ROBO2: variants seen among roughly 807,000 people sequenced by gnomAD.
The protein encoded by ROBO2 is roundabout homolog 2.
ROBO2 carries 53 observed loss-of-function variants against 160.8 expected under a neutral mutation model. The observed-to-expected ratio is 0.33, with a 90% CI of 0.26 to 0.41. ROBO2 has a LOEUF of 0.41. Among genes scored for constraint, ROBO2 ranks in the 10% least tolerant of loss-of-function variants. The pLI, the probability that ROBO2 is intolerant of heterozygous loss-of-function variation, is 1.00. For synonymous variants in ROBO2, 664 were observed against 611.7 expected, an observed-to-expected ratio of 1.09 and a Z score of -1.26; for missense variants, 1,577 against 1,722.4, an observed-to-expected ratio of 0.92 and a Z score of 1.49.
chr3:76,539,248 G>T (rs1046030964), intron 2 of ROBO2, among the ~76,000 whole-genome samples: 1 of 151,934 alleles, frequency 6.6e-6, no homozygotes, highest in Admixed American at 6.6e-5. Context: ...AATGCATGTG[G>T]CTTTTAAAAC....
In ROBO2 at chr3:76,679,281, G is replaced by A. The variant is rs1047597913; in HGVS notation, c.110-418733G>A. On this transcript the variant is annotated intron_variant, in intron 2 of 26. Transcript: ENST00000487694. ...AAATAAAGAAAAACTCAAATTACCT[G>A]TGGCAGATAAAACCTTATTAACATT... Among the ~76,000 whole-genome samples, 9 of 152,110 alleles carry A rather than the reference G, an allele frequency of 5.9e-5. 1 individual carries two copies. The highest frequency in any genetic ancestry group is 2.4e-5 in the African/African-American group (1 of 41,436).
intron 2 of ROBO2, among the ~76,000 whole-genome samples, chr3:76,794,958 C>T (rs2063592902): frequency 6.6e-6 from 1 of 151,936 alleles, no homozygotes; most frequent in African/African-American, 2.4e-5. Flanking sequence ...AGATATTGCA[C>T]ATTCAGGTCC....
At chr3:76,689,744 C>T (rs1229000341) in intron 2 of ROBO2, among the ~76,000 whole-genome samples, 3 of 152,160 alleles carry the variant, frequency 2.0e-5, no homozygotes, top group Non-Finnish European at 4.4e-5. Context: ...AGGCATTTCT[C>T]CTTTTCTCCA....
intron 2 of ROBO2, among the ~76,000 whole-genome samples, chr3:76,079,980 C>T (rs1286891061): frequency 6.6e-6 from 1 of 152,048 alleles, no homozygotes; most frequent in Admixed American, 6.6e-5. Context: ...TATTTTATAG[C>T]AGGAATACAT....
intron 2 of ROBO2, among the ~76,000 whole-genome samples, chr3:76,356,988 C>A (rs74562274): frequency 0.042 from 6,333 of 151,756 alleles, 362 homozygotes; most frequent in African/African-American, 0.13. Context: ...GTATTTACAA[C>A]CTCAAATTCC....
At chr3:77,162,920 C>T (rs1249304099) in intron 2 of ROBO2, among the ~76,000 whole-genome samples, 1 of 152,030 alleles carries the variant, frequency 6.6e-6, no homozygotes, top group African/African-American at 2.4e-5. Context: ...ACCTTGGCCT[C>T]CTGGGTTCAA....
intron 2 of ROBO2, among the ~76,000 whole-genome samples, chr3:77,351,169 G>C (rs2068285658): frequency 6.6e-6 from 1 of 152,040 alleles, no homozygotes; most frequent in South Asian, 2.1e-4. Flanking sequence ...AAATCTTAGG[G>C]AAGTTTATTG....
At chr3:77,460,303 C>T (rs2166802) in intron 2 of ROBO2, among the ~76,000 whole-genome samples, 9 of 151,900 alleles carry the variant, frequency 5.9e-5, no homozygotes, top group African/African-American at 1.7e-4. Context: ...GGGAAGATTG[C>T]GGAAATAAAG....
At chr3:77,326,835 G>A (rs1306426663) in intron 2 of ROBO2, among the ~76,000 whole-genome samples, 1 of 152,182 alleles carries the variant, frequency 6.6e-6, no homozygotes, top group East Asian at 1.9e-4. Context: ...AGTCTCCCTG[G>A]TGGAGCTGTG....
chr3:77,405,361 A>G, intron 2 of ROBO2, among the ~76,000 whole-genome samples: 1 of 152,164 alleles, frequency 6.6e-6, no homozygotes, highest in Non-Finnish European at 1.5e-5. Flanking sequence ...TTTGTAAAAT[A>G]TATGTAATTT....
chr3:77,364,829 G>A (rs2070599250), intron 2 of ROBO2, among the ~76,000 whole-genome samples: 1 of 152,170 alleles, frequency 6.6e-6, no homozygotes, highest in Admixed American at 6.6e-5. Context: ...ATTGACAACA[G>A]ATAGATTAAT....
intron 5 of ROBO2, among the ~76,000 whole-genome samples, chr3:77,510,191 G>A (rs114013642): frequency 4.6e-5 from 7 of 152,004 alleles, no homozygotes; most frequent in African/African-American, 1.7e-4. Flanking sequence ...TTAATCTACT[G>A]TATATATTTA....
chr3:76,175,211 T>G (rs2073187180), intron 2 of ROBO2, among the ~76,000 whole-genome samples: 1 of 152,114 alleles, frequency 6.6e-6, no homozygotes, highest in South Asian at 2.1e-4. Flanking sequence ...ACATTGATTT[T>G]GCATCCTGAA....
At chr3:76,433,631 G>A (rs1218384469) in intron 2 of ROBO2, among the ~76,000 whole-genome samples, 1 of 152,174 alleles carries the variant, frequency 6.6e-6, no homozygotes, top group Non-Finnish European at 1.5e-5. Context: ...GTGGATGTGT[G>A]TATTCCAAAA....
At chr3:76,171,563 G>A (rs1278416422) in intron 2 of ROBO2, among the ~76,000 whole-genome samples, 1 of 152,134 alleles carries the variant, frequency 6.6e-6, no homozygotes, top group African/African-American at 2.4e-5. Flanking sequence ...AAGGGCCTGT[G>A]TGAGCAGTAG....
intron 2 of ROBO2, among the ~76,000 whole-genome samples, chr3:76,678,260 C>A (rs1480711953): frequency 1.3e-5 from 2 of 152,154 alleles, no homozygotes; most frequent in South Asian, 4.1e-4. Context: ...TGTGAGCCAA[C>A]ACACCTGGCT....
chr3:77,568,314 T>A (rs756665889), exon 13 of ROBO2: 2 of 1,612,718 alleles, frequency 1.2e-6, no homozygotes, highest in East Asian at 2.2e-5. Flanking sequence ...TAACTGCAGA[T>A]ATCAGCCCAC....
chr3:76,217,063 G>A (rs1461861597), intron 2 of ROBO2, among the ~76,000 whole-genome samples: 1 of 152,156 alleles, frequency 6.6e-6, no homozygotes, highest in African/African-American at 2.4e-5. Context: ...AATGACTGCT[G>A]GGTACATAAC....
intron 21 of ROBO2, among the ~76,000 whole-genome samples, chr3:77,614,101 G>A (rs768661028): frequency 1.8e-4 from 27 of 152,262 alleles, no homozygotes; most frequent in Non-Finnish European, 3.8e-4. Context: ...GGTAGATTGC[G>A]GCTTAGACAT....
Sources: gnomAD v4.1 joint callset for allele counts (sites outside exome capture counted in the v4.1 genomes callset) on GRCh38, gnomAD v4.1.1 for gene constraint, MANE v1.5 for transcripts, NCBI Gene and HGNC (gene_info 2026-07-23, HGNC 2026-07-21) for gene names.